GNAL: variants seen among roughly 807,000 people sequenced by gnomAD.
GNAL encodes the protein guanine nucleotide-binding protein G(olf) subunit alpha.
In GNAL, 18 loss-of-function variants were observed where a neutral mutation model predicts 55.1. The ratio of observed to expected loss-of-function variants is 0.33; its 90% CI spans 0.23 to 0.48. GNAL has a LOEUF of 0.48. Ranked by LOEUF, GNAL falls within the 20% of genes least tolerant of loss-of-function variation. The probability of loss-of-function intolerance (pLI) is 0.99; values close to 1 mark genes in which losing one functional copy is unlikely to be tolerated. For missense variants in GNAL, 412 were observed against 614.1 expected (o/e 0.67, Z 3.48); for synonymous variants, 253 against 237.0 (o/e 1.07, Z -0.62).
At chr18:11,749,320 T>C (rs1214919258) in intron 1 of GNAL, among the ~76,000 whole-genome samples, 1 of 152,098 alleles carries the variant, frequency 6.6e-6, no homozygotes, top group Non-Finnish European at 1.5e-5. Context: ...AGTCTGACAG[T>C]GTATGTTTGC....
intron 4 of GNAL, among the ~76,000 whole-genome samples, chr18:11,824,268 G>GC (rs1383254372): frequency 5.7e-5 from 1 of 17,636 alleles, no homozygotes; most frequent in Non-Finnish European, 2.9e-4. Flanking sequence ...GAGATGGGGG[G>GC]GGGGTTCAAT....
Position 11,862,375 on chromosome 18 carries a change from C to T in GNAL, c.723-20C>T. The T allele has an allele frequency of 6.2e-7, 1 of 1,611,410 alleles. No homozygotes were observed. On this transcript the variant is annotated intron_variant, in intron 5 of 11. Transcript: ENST00000334049. ...AGTGGGCAGAGAACAGGCCTCAACC[C>T]TTGCTGGCTTTCTTTGCAGCTTCCT...
chr18:11,731,893 C>G (rs150666497), intron 1 of GNAL, among the ~76,000 whole-genome samples: 1 of 152,362 alleles, frequency 6.6e-6, no homozygotes, highest in Non-Finnish European at 1.5e-5. Context: ...TCTATTTTCT[C>G]TCTTTGCAGA....
intron 1 of GNAL, among the ~76,000 whole-genome samples, chr18:11,706,894 A>G (rs1357518852): frequency 3.3e-5 from 5 of 152,196 alleles, no homozygotes; most frequent in Non-Finnish European, 7.3e-5. Flanking sequence ...AAAGCAATCC[A>G]TGAGGGTTGC....
At chr18:11,854,304 C>T (rs1424087501) in intron 5 of GNAL, 1 of 167,056 alleles carries the variant, frequency 6.0e-6, no homozygotes, top group South Asian at 2.1e-4. Flanking sequence ...CCATGTCATA[C>T]TATTATGAAT....
chr18:11,855,436 A>G (rs1357371478), intron 5 of GNAL, among the ~76,000 whole-genome samples: 2 of 152,150 alleles, frequency 1.3e-5, no homozygotes, highest in Non-Finnish European at 2.9e-5. Flanking sequence ...CAAGTGCACA[A>G]TTTCTAACAT....
At chr18:11,715,908 C>G (rs1272413047) in intron 1 of GNAL, among the ~76,000 whole-genome samples, 2 of 151,928 alleles carry the variant, frequency 1.3e-5, no homozygotes, top group East Asian at 3.9e-4. Flanking sequence ...CTCAACATCA[C>G]TGATCATTAG....
intron 4 of GNAL, among the ~76,000 whole-genome samples, chr18:11,802,992 C>T (rs9303749): frequency 0.34 from 50,976 of 151,978 alleles, 11,043 homozygotes; most frequent in African/African-American, 0.62. Flanking sequence ...GGTCAGATGA[C>T]GAGAGGCTTT....
At chr18:11,852,155 GA>G in intron 5 of GNAL, 5 of 1,517,616 alleles carry the variant, frequency 3.3e-6, no homozygotes, top group South Asian at 2.6e-5. Context: ...GCCACCCTTT[GA>G]AATGCTCTCT....
intron 5 of GNAL, among the ~76,000 whole-genome samples, chr18:11,840,655 T>C (rs1239518973): frequency 6.6e-6 from 1 of 152,146 alleles, no homozygotes; most frequent in African/African-American, 2.4e-5. Context: ...GACCACGTGC[T>C]TCTCATAGTT....
intron 5 of GNAL, among the ~76,000 whole-genome samples, chr18:11,841,732 C>G (rs2035619447): frequency 6.6e-6 from 1 of 152,010 alleles, no homozygotes; most frequent in African/African-American, 2.4e-5. Context: ...CTGTGAGCAC[C>G]TCTGCTTCCC....
At chr18:11,862,739 G>A (rs1006867511) in intron 6 of GNAL, among the ~76,000 whole-genome samples, 1 of 151,996 alleles carries the variant, frequency 6.6e-6, no homozygotes, top group Non-Finnish European at 1.5e-5. Flanking sequence ...TCAGGAAAGC[G>A]AAGTCTTTAC....
rs548008499 is a variant in GNAL at position 11,880,205 on chromosome 18, C to T, written c.1231-784C>T. On this transcript the variant is annotated intron_variant, in intron 11 of 11. Transcript: ENST00000334049. ...CCGGGAGGCAGAGGTTGCAGTGAGC[C>T]GAGATGGCACCACTGCACTCCAGCC... is the stretch of plus-strand genomic sequence containing the variant. Among the ~76,000 whole-genome samples the T allele has an allele frequency of 4.6e-5, 7 of 151,190 alleles. 1 individual carries two copies. Among genetic ancestry groups the T allele is most frequent in the East Asian group, 4.1e-4 (2 of 4,896 alleles).
In GNAL at chr18:11,861,211, C is replaced by T. The variant is rs545682557; in HGVS notation, c.723-1184C>T. On this transcript the variant is annotated intron_variant, in intron 5 of 11. Coordinates refer to ENST00000334049, the MANE Select transcript of GNAL (RefSeq NM_182978.4). Reference sequence around the variant, plus strand: ...CCTCAGTACCAGGGCCTCCCGTCAACGCCAGCACCAACAGAGAGCCTGGGC... The same window carrying T: ...CCTCAGTACCAGGGCCTCCCGTCAATGCCAGCACCAACAGAGAGCCTGGGC... Among the ~76,000 whole-genome samples, 4 of 152,300 alleles carry T rather than the reference C, an allele frequency of 2.6e-5. No individual in the cohort carries two copies. In the East Asian group the frequency reaches 5.8e-4, roughly 22 times the overall value.
chr18:11,786,436 C>CTTTT (rs66803403), intron 4 of GNAL, among the ~76,000 whole-genome samples: 629 of 60,704 alleles, frequency 0.01, 101 homozygotes, highest in African/African-American at 0.012. Context: ...CATACGTTTT[C>CTTTT]TTTTTTTTTT....
intron 5 of GNAL, among the ~76,000 whole-genome samples, chr18:11,830,736 A>G (rs546609594): frequency 7.2e-5 from 11 of 152,390 alleles, no homozygotes; most frequent in African/African-American, 2.6e-4. Flanking sequence ...AATGTTCATC[A>G]AATGAAGAAT....
At chr18:11,800,408 C>A (rs9303748) in intron 4 of GNAL, among the ~76,000 whole-genome samples, 1 of 152,028 alleles carries the variant, frequency 6.6e-6, no homozygotes, top group African/African-American at 2.4e-5. Flanking sequence ...TGCTTATTAT[C>A]CTCTCACTGG....
chr18:11,848,191 A>T (rs2035779320), intron 5 of GNAL, among the ~76,000 whole-genome samples: 1 of 152,208 alleles, frequency 6.6e-6, no homozygotes, highest in African/African-American at 2.4e-5. Flanking sequence ...GAGAGCAGTT[A>T]GCTATGGATC....
chr18:11,843,315 A>G (rs2035659168), intron 5 of GNAL, among the ~76,000 whole-genome samples: 1 of 152,168 alleles, frequency 6.6e-6, no homozygotes, highest in Non-Finnish European at 1.5e-5. Flanking sequence ...CCTGACCAAT[A>G]TGGTTTCACC....
Sources: allele counts gnomAD v4.1 joint callset (sites outside exome capture counted in the v4.1 genomes callset), GRCh38; gene constraint gnomAD v4.1.1; transcripts MANE v1.5; gene names NCBI Gene and HGNC (gene_info 2026-07-23, HGNC 2026-07-21).